Variants in NKAIN2 observed in about 807,000 individuals in gnomAD.
NKAIN2 encodes the protein sodium/potassium-transporting ATPase subunit beta-1-interacting protein 2.
NKAIN2 carries 14 observed loss-of-function variants against 32.6 expected under a neutral mutation model. The ratio of observed to expected loss-of-function variants is 0.43; its 90% confidence interval spans 0.28 to 0.67. The LOEUF is 0.67. Ranked by LOEUF, NKAIN2 falls within the 30% of genes least tolerant of loss-of-function variation. The probability of loss-of-function intolerance (pLI) is 0.17; values close to 1 mark genes in which losing one functional copy is unlikely to be tolerated. For synonymous variants in NKAIN2, 80 were observed against 87.2 expected (o/e 0.92, Z 0.46); for missense variants, 198 against 258.3 (o/e 0.77, Z 1.60).
intron 2 of NKAIN2, among the ~76,000 whole-genome samples, chr6:124,324,340 C>T (rs1797330777): frequency 1.3e-5 from 2 of 151,854 alleles, no homozygotes; most frequent in Admixed American, 6.6e-5. Flanking sequence ...TAGATTTATA[C>T]CTAAGTATCT....
intron 3 of NKAIN2, among the ~76,000 whole-genome samples, chr6:124,647,496 C>CAAAAAAAAAAAAAAAAAAA (rs1157607122): frequency 1.7e-5 from 1 of 58,940 alleles, no homozygotes; most frequent in Non-Finnish European, 2.8e-5. Flanking sequence ...GAGACTCTGT[C>CAAAAAAAAAAAAAAAAAAA]AAAAAAAAAA....
intron 1 of NKAIN2, among the ~76,000 whole-genome samples, chr6:123,829,884 T>C (rs1774305200): frequency 6.6e-6 from 1 of 152,216 alleles, no homozygotes; most frequent in South Asian, 2.1e-4. Context: ...TTCAGTGTTC[T>C]TTGTTTTGGA....
chr6:123,833,084 T>C (rs1449528219), intron 1 of NKAIN2, among the ~76,000 whole-genome samples: 1 of 152,224 alleles, frequency 6.6e-6, no homozygotes, highest in Non-Finnish European at 1.5e-5. Context: ...TATAGTTTTG[T>C]GTTTTACATT....
At chr6:124,321,431 C>CA (rs1242128547) in intron 2 of NKAIN2, among the ~76,000 whole-genome samples, 27 of 152,080 alleles carry the variant, frequency 1.8e-4, no homozygotes, top group Non-Finnish European at 8.8e-5. Flanking sequence ...AACAAACCTG[C>CA]ACGTTCTGCA....
intron 1 of NKAIN2, among the ~76,000 whole-genome samples, chr6:123,840,858 C>A (rs1346423254): frequency 4.6e-5 from 7 of 151,956 alleles, no homozygotes; most frequent in African/African-American, 1.7e-4. Context: ...TATATGTTTC[C>A]TGTAGGGATG....
At chr6:123,939,142 C>T (rs1219241798) in intron 1 of NKAIN2, among the ~76,000 whole-genome samples, 2 of 151,834 alleles carry the variant, frequency 1.3e-5, no homozygotes, top group African/African-American at 4.8e-5. Context: ...GTTAAGACTC[C>T]AACCAAGAGG....
chr6:124,268,512 C>T (rs927122728), intron 1 of NKAIN2, among the ~76,000 whole-genome samples: 7 of 151,980 alleles, frequency 4.6e-5, no homozygotes, highest in Non-Finnish European at 7.4e-5. Context: ...GAATATCATG[C>T]TGAGCACTAT....
At chr6:124,200,393 A>G (rs1790537829) in intron 1 of NKAIN2, among the ~76,000 whole-genome samples, 1 of 152,110 alleles carries the variant, frequency 6.6e-6, no homozygotes, top group South Asian at 2.1e-4. Flanking sequence ...TGCTCTAGGC[A>G]AGGGGTCCTT....
At chr6:124,703,672 G>A (rs1450893302) in intron 4 of NKAIN2, among the ~76,000 whole-genome samples, 1 of 151,998 alleles carries the variant, frequency 6.6e-6, no homozygotes, top group Non-Finnish European at 1.5e-5. Flanking sequence ...AGTCATAAAG[G>A]TTGATGCCTT....
At chr6:124,805,297 C>T (rs908106101) in intron 5 of NKAIN2, among the ~76,000 whole-genome samples, 6 of 152,134 alleles carry the variant, frequency 3.9e-5, no homozygotes, top group African/African-American at 1.2e-4. Flanking sequence ...GACAAAACTT[C>T]CAGAGGAACG....
chr6:124,111,071 A>G (rs770361883), intron 1 of NKAIN2, among the ~76,000 whole-genome samples: 7 of 152,018 alleles, frequency 4.6e-5, no homozygotes, highest in Non-Finnish European at 7.4e-5. Flanking sequence ...TTGTTCATTT[A>G]TTCTGGATTA....
intron 4 of NKAIN2, among the ~76,000 whole-genome samples, chr6:124,786,957 C>A (rs1779531152): frequency 6.6e-6 from 1 of 152,090 alleles, no homozygotes; most frequent in South Asian, 2.1e-4. Flanking sequence ...CTTCTCTGAA[C>A]TGGGCCACTT....
intron 1 of NKAIN2, among the ~76,000 whole-genome samples, chr6:124,242,412 G>A (rs1233165918): frequency 6.6e-6 from 1 of 152,164 alleles, no homozygotes; most frequent in Non-Finnish European, 1.5e-5. Context: ...TGGAGAGGAT[G>A]TGGAGAAATA....
At chr6:124,487,411 A>C (rs1777694326) in intron 3 of NKAIN2, among the ~76,000 whole-genome samples, 1 of 152,156 alleles carries the variant, frequency 6.6e-6, no homozygotes, top group Non-Finnish European at 1.5e-5. Context: ...AAATATTACC[A>C]TTCCTAAAAT....
At chr6:124,726,185 T>G (rs1031411897) in intron 4 of NKAIN2, among the ~76,000 whole-genome samples, 2 of 152,068 alleles carry the variant, frequency 1.3e-5, no homozygotes, top group Non-Finnish European at 2.9e-5. Flanking sequence ...GCCAGAAAGC[T>G]CCAACTGGGC....
chr6:124,151,395 C>G (rs1007575645), intron 1 of NKAIN2, among the ~76,000 whole-genome samples: 1 of 151,978 alleles, frequency 6.6e-6, no homozygotes, highest in South Asian at 2.1e-4. Flanking sequence ...TTTAGATCCT[C>G]CTTTCTCCCT....
chr6:124,120,543 A>G (rs949547406), intron 1 of NKAIN2, among the ~76,000 whole-genome samples: 2 of 152,180 alleles, frequency 1.3e-5, no homozygotes, highest in African/African-American at 4.8e-5. Context: ...AATGAGGTAG[A>G]GTGAAGCTAA....
intron 1 of NKAIN2, among the ~76,000 whole-genome samples, chr6:124,009,540 C>T (rs191842354): frequency 1.3e-5 from 2 of 152,234 alleles, no homozygotes; most frequent in East Asian, 1.9e-4. Flanking sequence ...GTCTTGTCCC[C>T]CTCCCTCAGC....
At chr6:124,729,565 A>C (rs1456926767) in intron 4 of NKAIN2, among the ~76,000 whole-genome samples, 46 of 151,796 alleles carry the variant, frequency 3.0e-4, no homozygotes, top group African/African-American at 1.0e-3. Flanking sequence ...ATTTCAAAAT[A>C]ATAAAAGCTA....
Sources: gnomAD v4.1 joint callset for allele counts (sites outside exome capture counted in the v4.1 genomes callset) on GRCh38, gnomAD v4.1.1 for gene constraint, MANE v1.5 for transcripts, NCBI Gene and HGNC (gene_info 2026-07-23, HGNC 2026-07-21) for gene names.